Variants in MACROD2 observed in about 807,000 individuals in gnomAD.
MACROD2 encodes mono-ADP ribosylhydrolase 2, also known as ADP-ribose glycohydrolase MACROD2.
A neutral mutation model predicts 70.4 loss-of-function variants in MACROD2; 36 were observed. That is an observed-to-expected ratio of 0.51 (90% confidence interval 0.39 to 0.68). MACROD2 has a LOEUF of 0.68. Among genes scored for constraint, MACROD2 ranks in the 30% least tolerant of loss-of-function variants. MACROD2 has a pLI of 0.00. For synonymous variants in MACROD2, 172 were observed against 178.8 expected, an observed-to-expected ratio of 0.96 and a Z score of 0.30; for missense variants, 496 against 538.4, an observed-to-expected ratio of 0.92 and a Z score of 0.78.
rs1362269612 is a variant in MACROD2 at position 14,009,696 on chromosome 20, A to G, written c.163+7292A>G. Reference sequence around the variant, plus strand: ...TATGTTCATTACAGCACTGTTCACAATGGCAAAGACATAGACTCAACCTAA... The same window carrying G: ...TATGTTCATTACAGCACTGTTCACAGTGGCAAAGACATAGACTCAACCTAA... On this transcript the variant is annotated intron_variant, in intron 2 of 17. Transcript: ENST00000684519. 2.0e-5 allele frequency among the ~76,000 whole-genome samples: 3 copies of G among 152,228 alleles called. No homozygotes were observed. In the East Asian group the frequency reaches 5.8e-4, roughly 29 times the overall value.
chr20:15,294,911 G>C (rs1224456266), intron 6 of MACROD2, among the ~76,000 whole-genome samples: 1 of 152,192 alleles, frequency 6.6e-6, no homozygotes, highest in Non-Finnish European at 1.5e-5. Flanking sequence ...TAAAACCATG[G>C]TGAGAAGTTT....
intron 8 of MACROD2, among the ~76,000 whole-genome samples, chr20:15,636,192 C>G (rs2049366466): frequency 6.7e-6 from 1 of 149,400 alleles, no homozygotes; most frequent in Admixed American, 6.7e-5. Context: ...TTGTGGTTTT[C>G]TAAATTTCTA....
At chr20:15,896,687 A>T (rs558448641) in intron 10 of MACROD2, among the ~76,000 whole-genome samples, 1 of 152,312 alleles carries the variant, frequency 6.6e-6, no homozygotes, top group South Asian at 2.1e-4. Flanking sequence ...TCTCGCTAAG[A>T]TACTGAACAT....
chr20:14,700,587 T>A (rs2071185553), intron 5 of MACROD2, among the ~76,000 whole-genome samples: 1 of 151,830 alleles, frequency 6.6e-6, no homozygotes, highest in Admixed American at 6.6e-5. Flanking sequence ...CTAAAATCTT[T>A]GCTTAGTACT....
rs146847866 is a variant in MACROD2 at position 15,848,305 on chromosome 20, C to T, written c.646-14440C>T. Among the ~76,000 whole-genome samples the T allele has an allele frequency of 1.3e-3, 205 of 152,188 alleles. 1 individual carries two copies. Among genetic ancestry groups the T allele is most frequent in the African/African-American group, 4.3e-3 (180 of 41,522 alleles). On this transcript the variant is annotated intron_variant, in intron 8 of 17. Transcript: ENST00000684519. The stretch of plus-strand genomic sequence containing the variant: ...TCCACCTGTAATGGATTCCCAGCCC[C>T]CGTGCAGGATCTGGTGCAGTGTGCC...
intron 2 of MACROD2, among the ~76,000 whole-genome samples, chr20:14,073,475 T>TA (rs1262600053): frequency 6.6e-6 from 1 of 152,200 alleles, no homozygotes; most frequent in Admixed American, 6.5e-5. Context: ...ACAAGTAATG[T>TA]AAAATAAATG....
intron 8 of MACROD2, among the ~76,000 whole-genome samples, chr20:15,725,473 GT>G (rs919081850): frequency 7.9e-5 from 12 of 152,114 alleles, no homozygotes; most frequent in Admixed American, 6.5e-4. Context: ...AGTTCTAGGG[GT>G]TTTTTTGTTG....
chr20:15,642,480 A>G (rs944843376), intron 8 of MACROD2, among the ~76,000 whole-genome samples: 4 of 151,988 alleles, frequency 2.6e-5, no homozygotes, highest in African/African-American at 9.7e-5. Context: ...AGGAATGTCT[A>G]TGCCCGGTTC....
At chr20:14,213,780 GATT>G (rs1318562717) in intron 3 of MACROD2, among the ~76,000 whole-genome samples, 7 of 151,992 alleles carry the variant, frequency 4.6e-5, no homozygotes, top group Admixed American at 6.6e-5. Context: ...CTGTGAATAT[GATT>G]ATTAAGATAA....
Position 15,284,421 on chromosome 20 carries a change from TC to T in MACROD2, c.540+54361del, listed in dbSNP as rs1171670509. Among the ~76,000 whole-genome samples, 8 of 152,344 alleles carry T rather than the reference TC, an allele frequency of 5.3e-5. No homozygotes were observed. The East Asian group carries it at 1.5e-3, about 29-fold the overall frequency. ...AATAGTTTTGTAGCTAATGGACTAA[TC>T]ACATCAATTCAGGTGAGGTTTAAAT... On this transcript the variant is annotated intron_variant, in intron 6 of 17. Coordinates refer to ENST00000684519, the MANE Select transcript of MACROD2 (RefSeq NM_001351661.2).
At chr20:14,420,715 A>T (rs1324878674) in intron 3 of MACROD2, among the ~76,000 whole-genome samples, 1 of 152,064 alleles carries the variant, frequency 6.6e-6, no homozygotes, top group Admixed American at 6.5e-5. Flanking sequence ...TTTTGAGACC[A>T]GGTCTCTCAT....
intron 3 of MACROD2, among the ~76,000 whole-genome samples, chr20:14,229,060 T>A (rs6079359): frequency 0.97 from 146,944 of 151,746 alleles, 71,162 homozygotes; most frequent in Admixed American, 0.99. Context: ...CTAGGATGTC[T>A]GTTCTTTCCA....
intron 3 of MACROD2, among the ~76,000 whole-genome samples, chr20:14,264,946 T>G (rs2082131897): frequency 6.6e-6 from 1 of 152,176 alleles, no homozygotes; most frequent in Non-Finnish European, 1.5e-5. Flanking sequence ...TGCAAAAGAC[T>G]GGTTGGATCA....
At chr20:15,117,370 G>A (rs2123237582) in intron 5 of MACROD2, among the ~76,000 whole-genome samples, 1 of 152,228 alleles carries the variant, frequency 6.6e-6, no homozygotes, top group East Asian at 1.9e-4. Context: ...TAGAAGAAAT[G>A]AGTTGGTGTT....
chr20:15,417,598 CAAAAA>C (rs71340225), intron 6 of MACROD2, among the ~76,000 whole-genome samples: 1 of 69,340 alleles, frequency 1.4e-5, no homozygotes, highest in Non-Finnish European at 2.8e-5. Context: ...AACCCTGTCT[CAAAAA>C]AAAAAAAAAA....
chr20:14,569,970 A>G (rs1257644095), intron 4 of MACROD2, among the ~76,000 whole-genome samples: 6 of 152,050 alleles, frequency 3.9e-5, no homozygotes, highest in Non-Finnish European at 2.9e-5. Context: ...ATTTGGTAAT[A>G]GAACTAAAGC....
intron 2 of MACROD2, among the ~76,000 whole-genome samples, chr20:14,015,140 T>G (rs1442605266): frequency 6.6e-6 from 1 of 152,136 alleles, no homozygotes; most frequent in African/African-American, 2.4e-5. Flanking sequence ...CTTGTAAATT[T>G]AAGCTTTTTA....
At chr20:15,729,361 G>C (rs952778708) in intron 8 of MACROD2, among the ~76,000 whole-genome samples, 1 of 152,152 alleles carries the variant, frequency 6.6e-6, no homozygotes, top group African/African-American at 2.4e-5. Flanking sequence ...TGCATATTCT[G>C]TTCTTTTGGG....
At chr20:14,954,101 A>C (rs528484083) in intron 5 of MACROD2, among the ~76,000 whole-genome samples, 3 of 152,064 alleles carry the variant, frequency 2.0e-5, no homozygotes, top group Non-Finnish European at 2.9e-5. Context: ...GAGACACCTT[A>C]AGTATAGATT....
Sources: allele counts gnomAD v4.1 joint callset (sites outside exome capture counted in the v4.1 genomes callset), GRCh38; gene constraint gnomAD v4.1.1; transcripts MANE v1.5; gene names NCBI Gene and HGNC (gene_info 2026-07-23, HGNC 2026-07-21).